ADAMTS2: variants seen among roughly 807,000 people sequenced by gnomAD.
ADAMTS2 encodes ADAM metallopeptidase with thrombospondin type 1 motif 2.
In ADAMTS2, 50 loss-of-function variants were observed where a neutral mutation model predicts 123.0. That is an observed-to-expected ratio of 0.41 (90% confidence interval 0.32 to 0.51). The LOEUF is 0.51. Among genes scored for constraint, ADAMTS2 ranks in the 20% least tolerant of loss-of-function variants. ADAMTS2 has a pLI of 0.35. For synonymous variants in ADAMTS2, 678 were observed against 695.4 expected, an observed-to-expected ratio of 0.98 and a Z score of 0.39; for missense variants, 1,494 against 1,705.2, an observed-to-expected ratio of 0.88 and a Z score of 2.18.
chr5:179,300,927 C>A (rs369627697), intron 2 of ADAMTS2, among the ~76,000 whole-genome samples: 2 of 152,150 alleles, frequency 1.3e-5, no homozygotes, highest in South Asian at 2.1e-4. Context: ...AATTAAAAGT[C>A]GGAGAGGTCC....
At position 179,307,025 on chromosome 5, in the gene ADAMTS2, A is replaced by C. The variant is rs867318435; in HGVS notation, c.535-33961T>G. Among the ~76,000 whole-genome samples the C allele has an allele frequency of 3.9e-5, 6 of 152,124 alleles. No individual in the cohort carries two copies. The highest frequency in any genetic ancestry group is 8.8e-5 in the Non-Finnish European group (6 of 68,016). Reference sequence around the variant, plus strand: ...CATCTGTTGTGGCCCTGGCAGGATCAACCCTGGGCCTGAGTCCTTGGAGGT... The same window carrying C: ...CATCTGTTGTGGCCCTGGCAGGATCCACCCTGGGCCTGAGTCCTTGGAGGT... On this transcript the variant is annotated intron_variant, in intron 2 of 21. Transcript: ENST00000251582. This position sits in a 1 kb window ranked among gnomAD's most constrained non-coding sequence, Gnocchi z 5.6.
intron 3 of ADAMTS2, among the ~76,000 whole-genome samples, chr5:179,241,901 G>A (rs998809043): frequency 3.9e-5 from 6 of 152,112 alleles, no homozygotes; most frequent in African/African-American, 9.7e-5. Flanking sequence ...GCCCCTTTCC[G>A]CCAGCGGGAA....
chr5:179,186,584 C>T (rs1334162011), intron 4 of ADAMTS2, among the ~76,000 whole-genome samples: 2 of 152,172 alleles, frequency 1.3e-5, no homozygotes, highest in Non-Finnish European at 2.9e-5. Flanking sequence ...GCAGGGCCCA[C>T]CTGGGCATGG....
At chr5:179,328,534 A>G (rs765757631) in intron 2 of ADAMTS2, among the ~76,000 whole-genome samples, 16 of 152,246 alleles carry the variant, frequency 1.1e-4, no homozygotes, top group Non-Finnish European at 2.1e-4. Context: ...AACCATGGGT[A>G]TCAAGTGGTT....
intron 3 of ADAMTS2, among the ~76,000 whole-genome samples, chr5:179,257,906 A>C (rs911074882): frequency 6.6e-6 from 1 of 152,190 alleles, no homozygotes; most frequent in African/African-American, 2.4e-5. Flanking sequence ...AAGAGATTGT[A>C]AGTAAAATCA....
chr5:179,113,660 G>A lies in ADAMTS2; in HGVS notation c.*207C>T. ...CACACCTGACGCCACCACAGTATTT[G>A]GTCGCTCCTGGGCTGGGAAGCACAC... On this transcript the variant is annotated 3_prime_UTR_variant, in exon 22 of 22. Transcript: ENST00000251582. 1 of 608,194 alleles carries A rather than the reference G, an allele frequency of 1.6e-6. No homozygotes were observed. The highest frequency in any genetic ancestry group is 2.9e-6 in the Non-Finnish European group (1 of 345,572). The allele number at this position is 608,194 out of a possible 1,614,324, so 37.7% of individuals were successfully genotyped here.
At chr5:179,148,730 T>C (rs1763298956) in intron 10 of ADAMTS2, among the ~76,000 whole-genome samples, 2 of 152,144 alleles carry the variant, frequency 1.3e-5, no homozygotes, top group African/African-American at 4.8e-5. Flanking sequence ...CCTTCCTTCC[T>C]AGCAAAGGCC....
In ADAMTS2 at chr5:179,326,203, T is replaced by C. The variant is rs1464017039; in HGVS notation, c.534+17564A>G. Among the ~76,000 whole-genome samples the C allele has an allele frequency of 2.0e-3, 128 of 64,204 alleles. 1 individual carries two copies. The highest frequency in any genetic ancestry group is 6.2e-4 in the Non-Finnish European group (17 of 27,246). 42.1% of individuals were successfully genotyped at this position (64,204 alleles called of 152,430 possible). A position where few individuals can be genotyped will look rare whatever the true frequency, so the allele number is the denominator to read the frequency against. On this transcript the variant is annotated intron_variant, in intron 2 of 21. Transcript: ENST00000251582. Reference sequence around the variant, plus strand: ...TGGAGAAATGGCGTTTGTGTGTGCGTGTGTGTGTGTGTGTGTGTGTGTGTG... The same window carrying C: ...TGGAGAAATGGCGTTTGTGTGTGCGCGTGTGTGTGTGTGTGTGTGTGTGTG...
rs367724738 is a variant in ADAMTS2 at position 179,162,209 on chromosome 5, C to T, written c.976-3330G>A. Among the ~76,000 whole-genome samples the T allele has an allele frequency of 3.9e-5, 6 of 152,314 alleles. No individual in the cohort carries two copies. Among genetic ancestry groups the T allele is most frequent in the Non-Finnish European group, 5.9e-5 (4 of 68,036 alleles). On this transcript the variant is annotated intron_variant, in intron 5 of 21. Coordinates refer to ENST00000251582, the MANE Select transcript of ADAMTS2 (RefSeq NM_014244.5). The surrounding 1 kb of genome is among the most constrained non-coding windows in gnomAD (Gnocchi z 5.1). ...CTTCTGCCTGCCCTTGTTTCCCTTT[C>T]GTGAAACTTCCCCTCCTTTAATCTG...
rs918399026 is a variant in ADAMTS2 at position 179,185,743 on chromosome 5, C to T, written c.892-4588G>A. ...GGTGTCAGGCTGCTAGGCGTGGGCC[C>T]CTGGCTGGGGAGCTCCACTGTGGGC... On this transcript the variant is annotated intron_variant, in intron 4 of 21. Coordinates refer to ENST00000251582, the MANE Select transcript of ADAMTS2 (RefSeq NM_014244.5). This position sits in a 1 kb window ranked among gnomAD's most constrained non-coding sequence, Gnocchi z 5.9. Among the ~76,000 whole-genome samples the T allele has an allele frequency of 6.6e-6, 1 of 152,028 alleles. No individual in the cohort carries two copies. Among genetic ancestry groups the T allele is most frequent in the African/African-American group, 2.4e-5 (1 of 41,394 alleles).
chr5:179,217,450 T>C (rs1407140761), intron 3 of ADAMTS2, among the ~76,000 whole-genome samples: 1 of 152,178 alleles, frequency 6.6e-6, no homozygotes, highest in Non-Finnish European at 1.5e-5. Context: ...TTTTGTTTCT[T>C]TCTTTGTTTT....
chr5:179,195,750 G>A (rs987121472), intron 4 of ADAMTS2, among the ~76,000 whole-genome samples: 2 of 152,184 alleles, frequency 1.3e-5, no homozygotes, highest in Admixed American at 1.3e-4. Context: ...GGCCCTCATG[G>A]CTGTGTCTCC....
chr5:179,204,806 C>T (rs1356798869), intron 4 of ADAMTS2, among the ~76,000 whole-genome samples: 3 of 152,192 alleles, frequency 2.0e-5, no homozygotes, highest in Admixed American at 6.5e-5. Context: ...GACCCTCCGC[C>T]GCCGGTCTCC....
At chr5:179,141,853 C>T (rs1483060327) in intron 10 of ADAMTS2, among the ~76,000 whole-genome samples, 4 of 152,214 alleles carry the variant, frequency 2.6e-5, no homozygotes, top group Non-Finnish European at 5.9e-5. Context: ...ACTCATAGGG[C>T]ACAAGCTCTG....
rs1199472330 is a variant in ADAMTS2, at chr5:179,130,822, C to G, written c.2291-724G>C. ...TAATTCTGTCCACTCACAAACAAAGCCTCTGCTTGGTGCCACACGTCCCTG... is the reference window on the plus strand; with the variant it reads ...TAATTCTGTCCACTCACAAACAAAGGCTCTGCTTGGTGCCACACGTCCCTG... On this transcript the variant is annotated intron_variant, in intron 15 of 21. Transcript: ENST00000251582. This position sits in a 1 kb window ranked among gnomAD's most constrained non-coding sequence, Gnocchi z 4.3. Among the ~76,000 whole-genome samples the G allele has an allele frequency of 6.6e-6, 1 of 152,128 alleles. No homozygotes were observed. The highest frequency in any genetic ancestry group is 2.4e-5 in the African/African-American group (1 of 41,424).
chr5:179,290,759 C>A (rs373267382), intron 2 of ADAMTS2, among the ~76,000 whole-genome samples: 1 of 152,198 alleles, frequency 6.6e-6, no homozygotes, highest in Non-Finnish European at 1.5e-5. Context: ...GGAGTGGAGG[C>A]GCCCACTGCA....
At chr5:179,224,204 A>C (rs1455775904) in intron 3 of ADAMTS2, among the ~76,000 whole-genome samples, 1 of 152,142 alleles carries the variant, frequency 6.6e-6, no homozygotes, top group Non-Finnish European at 1.5e-5. Context: ...CTGTGCGCTT[A>C]CTGCAGCCAT....
chr5:179,139,425 G>T (rs938701191), intron 11 of ADAMTS2, among the ~76,000 whole-genome samples: 1 of 152,088 alleles, frequency 6.6e-6, no homozygotes, highest in African/African-American at 2.4e-5. Flanking sequence ...CTGAGCATGG[G>T]GATGCAGCTG....
At position 179,128,444 on chromosome 5, in the gene ADAMTS2, G is replaced by A. The variant is rs1399703547; in HGVS notation, c.2458-326C>T. The stretch of plus-strand genomic sequence containing the variant: ...TTTCGCTCTTGTAGCCCAGGCTGGA[G>A]TGTAGTGGCACGATCTCGGCTCACT... On this transcript the variant is annotated intron_variant, in intron 16 of 21. Coordinates refer to ENST00000251582, the MANE Select transcript of ADAMTS2 (RefSeq NM_014244.5). This position sits in a 1 kb window ranked among gnomAD's most constrained non-coding sequence, Gnocchi z 4.9. Among the ~76,000 whole-genome samples the A allele has an allele frequency of 1.3e-5, 2 of 152,204 alleles. No homozygotes were observed. Among genetic ancestry groups the A allele is most frequent in the African/African-American group, 4.8e-5 (2 of 41,464 alleles).
Sources: allele counts gnomAD v4.1 joint callset (sites outside exome capture counted in the v4.1 genomes callset), GRCh38; gene constraint gnomAD v4.1.1; non-coding constraint Gnocchi (gnomAD v3.1); transcripts MANE v1.5; gene names NCBI Gene and HGNC (gene_info 2026-07-23, HGNC 2026-07-21).